Variants in MGAT4C observed in about 807,000 individuals in gnomAD.
MGAT4C encodes the protein alpha-1,3-mannosyl-glycoprotein 4-beta-N-acetylglucosaminyltransferase C.
MGAT4C carries 19 observed loss-of-function variants against 40.1 expected under a neutral mutation model. The ratio of observed to expected loss-of-function variants is 0.47; its 90% CI spans 0.33 to 0.70. MGAT4C has a LOEUF of 0.70. Ranked by LOEUF, MGAT4C falls within the 30% of genes least tolerant of loss-of-function variation. The probability of loss-of-function intolerance (pLI) is 0.02; values close to 1 mark genes in which losing one functional copy is unlikely to be tolerated. For synonymous variants in MGAT4C, 181 were observed against 187.1 expected, an observed-to-expected ratio of 0.97 and a Z score of 0.27; for missense variants, 491 against 563.2, an observed-to-expected ratio of 0.87 and a Z score of 1.30.
rs543153196 is a variant in MGAT4C, at chr12:86,443,205, T to C, written c.-228-7940A>G. On this transcript the variant is annotated intron_variant, in intron 2 of 7. Coordinates refer to the MGAT4C transcript ENST00000548651. ...ATATATGTGTGTGTGTGTATATATA[T>C]ACACACACACACACACATATATACA... Among the ~76,000 whole-genome samples, 1,367 of 150,402 alleles carry C rather than the reference T, an allele frequency of 9.1e-3. 13 individuals carry two copies. The highest frequency in any genetic ancestry group is 0.028 in the African/African-American group (1,160 of 41,042).
chr12:86,422,152 C>T (rs1332899672), intron 3 of MGAT4C, among the ~76,000 whole-genome samples: 5 of 152,130 alleles, frequency 3.3e-5, no homozygotes, highest in African/African-American at 4.8e-5. Flanking sequence ...ATGGAGATAG[C>T]ATTAATATGA....
chr12:86,825,375 G>A lies in MGAT4C; in HGVS notation c.-262+13291C>T, dbSNP rs75866257. Among the ~76,000 whole-genome samples, 606 of 150,872 alleles carry A rather than the reference G, an allele frequency of 4.0e-3. 1 individual carries two copies. Among genetic ancestry groups the A allele is most frequent in the Middle Eastern group, 0.017 (5 of 292 alleles). Reference sequence around the variant, plus strand: ...TTGCTATATACGAGATAAACCTGACGCAAAGTGATTCATATAATTTTTTAA... The same window carrying A: ...TTGCTATATACGAGATAAACCTGACACAAAGTGATTCATATAATTTTTTAA... On this transcript the variant is annotated intron_variant, in intron 1 of 7. Transcript: ENST00000548651.
chr12:86,075,675 A>G (rs1869546726), intron 1 of MGAT4C, among the ~76,000 whole-genome samples: 1 of 152,190 alleles, frequency 6.6e-6, no homozygotes, highest in African/African-American at 2.4e-5. Context: ...TCCAAAATCT[A>G]GGCAGAGATT....
chr12:85,995,048 T>G (rs997245992), intron 2 of MGAT4C, among the ~76,000 whole-genome samples: 4 of 152,322 alleles, frequency 2.6e-5, no homozygotes, highest in Admixed American at 6.5e-5. Flanking sequence ...AGTATTAACA[T>G]TTTTACCCAG....
At chr12:86,392,476 T>TAAC (rs145566549) in intron 3 of MGAT4C, among the ~76,000 whole-genome samples, 5,908 of 151,662 alleles carry the variant, frequency 0.039, 208 homozygotes, top group East Asian at 0.11. Flanking sequence ...CTGTCAAAAA[T>TAAC]AACAACAACA....
chr12:86,123,330 A>G (rs1259606672), intron 1 of MGAT4C, among the ~76,000 whole-genome samples: 2 of 152,152 alleles, frequency 1.3e-5, no homozygotes, highest in Non-Finnish European at 2.9e-5. Context: ...GATTACTGTT[A>G]TTAAGAGTGT....
At chr12:86,811,297 C>A (rs1008371909) in intron 1 of MGAT4C, among the ~76,000 whole-genome samples, 1 of 148,926 alleles carries the variant, frequency 6.7e-6, no homozygotes, top group African/African-American at 2.5e-5. Context: ...AGAACAGTTC[C>A]ATTTTTTTCT....
At chr12:86,811,840 C>G (rs886164184) in intron 1 of MGAT4C, among the ~76,000 whole-genome samples, 2 of 151,988 alleles carry the variant, frequency 1.3e-5, no homozygotes, top group African/African-American at 4.8e-5. Context: ...ATATTTCCTT[C>G]CTGCTTTTTG....
At chr12:86,135,792 T>C (rs1226191387) in intron 1 of MGAT4C, among the ~76,000 whole-genome samples, 1 of 152,198 alleles carries the variant, frequency 6.6e-6, no homozygotes, top group African/African-American at 2.4e-5. Context: ...AACTTATAAC[T>C]GCAGGATAAA....
intron 2 of MGAT4C, among the ~76,000 whole-genome samples, chr12:86,630,867 C>T (rs1963011380): frequency 6.6e-6 from 1 of 152,184 alleles, no homozygotes; most frequent in Non-Finnish European, 1.5e-5. Context: ...CGTCTTTCAC[C>T]ATTCCTATTC....
intron 1 of MGAT4C, among the ~76,000 whole-genome samples, chr12:86,225,121 T>C (rs1285153838): frequency 6.6e-6 from 1 of 151,606 alleles, no homozygotes; most frequent in Non-Finnish European, 1.5e-5. Context: ...CAAAAAGAGA[T>C]TTTATAACTG....
chr12:86,455,425 A>G (rs1957492894), intron 2 of MGAT4C, among the ~76,000 whole-genome samples: 1 of 152,126 alleles, frequency 6.6e-6, no homozygotes. Context: ...TTAAAACAGG[A>G]AGTTTTAATT....
chr12:85,987,428 C>T (rs369550969), intron 3 of MGAT4C, among the ~76,000 whole-genome samples: 51 of 152,092 alleles, frequency 3.4e-4, no homozygotes, highest in Admixed American at 2.3e-3. Context: ...TGAGCCACCG[C>T]GCCCGGCCAA....
chr12:86,828,675 G>C (rs1952856422), intron 1 of MGAT4C, among the ~76,000 whole-genome samples: 1 of 151,498 alleles, frequency 6.6e-6, no homozygotes, highest in Non-Finnish European at 1.5e-5. Flanking sequence ...TATGTACAAA[G>C]AATGGGATGC....
chr12:86,540,490 C>A (rs529252401), intron 2 of MGAT4C, among the ~76,000 whole-genome samples: 6 of 152,300 alleles, frequency 3.9e-5, no homozygotes, highest in South Asian at 2.1e-4. Flanking sequence ...GTAATTCCAG[C>A]ACTTTGTGAG....
intron 1 of MGAT4C, among the ~76,000 whole-genome samples, chr12:86,083,306 C>G (rs1871183291): frequency 6.6e-6 from 1 of 152,116 alleles, no homozygotes; most frequent in Non-Finnish European, 1.5e-5. Context: ...CCCCTGGACT[C>G]AACCTTCTCT....
At chr12:86,288,020 T>A (rs1377391877) in intron 4 of MGAT4C, among the ~76,000 whole-genome samples, 1 of 152,232 alleles carries the variant, frequency 6.6e-6, no homozygotes, top group East Asian at 1.9e-4. Context: ...TGTTGTTTCC[T>A]GACTTTTTAA....
intron 1 of MGAT4C, among the ~76,000 whole-genome samples, chr12:86,123,271 G>A (rs1879727037): frequency 6.6e-6 from 1 of 152,164 alleles, no homozygotes; most frequent in South Asian, 2.1e-4. Context: ...AGTGTCCTGA[G>A]AGATTTGACA....
chr12:86,771,420 G>T (rs1951633919), intron 1 of MGAT4C, among the ~76,000 whole-genome samples: 1 of 152,052 alleles, frequency 6.6e-6, no homozygotes. Context: ...GTTACAAAGA[G>T]TCTAGATTTC....
Sources: gnomAD v4.1 joint callset for allele counts (sites outside exome capture counted in the v4.1 genomes callset) on GRCh38, gnomAD v4.1.1 for gene constraint, MANE v1.5 for transcripts, NCBI Gene and HGNC (gene_info 2026-07-23, HGNC 2026-07-21) for gene names.